GRIP1: variants seen among roughly 807,000 people sequenced by gnomAD.
GRIP1 encodes the protein glutamate receptor interacting protein 1, also known as glutamate receptor-interacting protein 1.
GRIP1 carries 45 observed loss-of-function variants against 129.9 expected under a neutral mutation model. The observed-to-expected ratio is 0.35, with a 90% CI of 0.27 to 0.44. The LOEUF is 0.44. Among genes scored for constraint, GRIP1 ranks in the 20% least tolerant of loss-of-function variants. The pLI is 1.00. For synonymous variants in GRIP1, 530 were observed against 520.8 expected, an observed-to-expected ratio of 1.02 and a Z score of -0.24; for missense variants, 1,196 against 1,396.8, an observed-to-expected ratio of 0.86 and a Z score of 2.29.
chr12:66,892,124 C>T (rs547672133), intron 1 of GRIP1, among the ~76,000 whole-genome samples: 1 of 152,234 alleles, frequency 6.6e-6, no homozygotes, highest in South Asian at 2.1e-4. Context: ...AGGGTGAGCA[C>T]AGGTGAAATA....
At chr12:66,479,543 A>G (rs1286008415) in intron 7 of GRIP1, among the ~76,000 whole-genome samples, 1 of 152,236 alleles carries the variant, frequency 6.6e-6, no homozygotes, top group Admixed American at 6.5e-5. Context: ...CAGTAGGAAA[A>G]GAGGGACTCC....
chr12:66,421,663 C>CTT (rs11380847), intron 14 of GRIP1, among the ~76,000 whole-genome samples: 3,264 of 142,512 alleles, frequency 0.023, 62 homozygotes, highest in Admixed American at 0.033. Context: ...TGGAATGTGA[C>CTT]TTTTTTTTTT....
At chr12:66,379,063 G>A (rs74631305) in intron 20 of GRIP1, among the ~76,000 whole-genome samples, 1,744 of 152,346 alleles carry the variant, frequency 0.011, 39 homozygotes, top group African/African-American at 0.04. Flanking sequence ...TACTGTTTTC[G>A]TTAGGGGAAA....
intron 15 of GRIP1, among the ~76,000 whole-genome samples, chr12:66,418,811 G>A (rs2057702052): frequency 6.6e-6 from 1 of 152,186 alleles, no homozygotes; most frequent in East Asian, 1.9e-4. Context: ...TGGAGAGAAT[G>A]TGGAGGAAAG....
chr12:66,640,902 G>A (rs1206502581), intron 1 of GRIP1, among the ~76,000 whole-genome samples: 2 of 152,064 alleles, frequency 1.3e-5, no homozygotes, highest in African/African-American at 4.8e-5. Flanking sequence ...TCCCACTGGG[G>A]GAAAATTCCT....
chr12:66,352,922 G>A (rs75947909), intron 24 of GRIP1, among the ~76,000 whole-genome samples: 3,743 of 152,120 alleles, frequency 0.025, 166 homozygotes, highest in African/African-American at 0.084. Flanking sequence ...CCAAGATCAC[G>A]CCACTCCACT....
chr12:66,589,034 G>C (rs1204394150), intron 2 of GRIP1, among the ~76,000 whole-genome samples: 1 of 151,480 alleles, frequency 6.6e-6, no homozygotes, highest in African/African-American at 2.4e-5. Context: ...ACTTCAGTTT[G>C]CTCATGTGTA....
At chr12:66,966,002 A>T (rs1277622907) in intron 1 of GRIP1, among the ~76,000 whole-genome samples, 1 of 152,160 alleles carries the variant, frequency 6.6e-6, no homozygotes, top group East Asian at 1.9e-4. Flanking sequence ...TTTACTTTCC[A>T]TTTGTGACTC....
chr12:66,566,547 T>C (rs970976366), intron 2 of GRIP1, among the ~76,000 whole-genome samples: 9 of 152,234 alleles, frequency 5.9e-5, no homozygotes, highest in Non-Finnish European at 1.3e-4. Context: ...GATTTTTGCA[T>C]TGATTTTCAT....
intron 1 of GRIP1, among the ~76,000 whole-genome samples, chr12:66,772,269 G>A (rs375274343): frequency 2.0e-5 from 3 of 152,234 alleles, no homozygotes; most frequent in Admixed American, 6.5e-5. Flanking sequence ...AATAGAGAGC[G>A]ATTAAGCAGA....
intron 1 of GRIP1, among the ~76,000 whole-genome samples, chr12:66,652,739 T>C (rs755851281): frequency 3.9e-5 from 6 of 152,220 alleles, no homozygotes; most frequent in Non-Finnish European, 8.8e-5. Flanking sequence ...CAGGTGCTTT[T>C]CCTGCTCTGT....
chr12:66,830,052 A>C (rs2039489347), intron 1 of GRIP1, among the ~76,000 whole-genome samples: 1 of 152,204 alleles, frequency 6.6e-6, no homozygotes, highest in African/African-American at 2.4e-5. Flanking sequence ...GGTTATTGCC[A>C]TAATGAAAAT....
chr12:66,649,922 G>A (rs1233523855), intron 1 of GRIP1, among the ~76,000 whole-genome samples: 2 of 152,194 alleles, frequency 1.3e-5, no homozygotes, highest in African/African-American at 2.4e-5. Context: ...AAAGTGGTGT[G>A]TTTTAGGGCT....
intron 1 of GRIP1, among the ~76,000 whole-genome samples, chr12:66,834,109 T>C (rs1256088547): frequency 1.5e-5 from 2 of 135,814 alleles, no homozygotes; most frequent in Non-Finnish European, 3.0e-5. Context: ...ACATGGGAGA[T>C]GGAAGTTGCA....
chr12:66,909,283 ATCC>A (rs1458202057), intron 1 of GRIP1, among the ~76,000 whole-genome samples: 4 of 152,146 alleles, frequency 2.6e-5, no homozygotes, highest in Non-Finnish European at 5.9e-5. Context: ...CAATCATCAT[ATCC>A]TTCCAATGTT....
intron 13 of GRIP1, among the ~76,000 whole-genome samples, chr12:66,436,804 G>A (rs2058319501): frequency 1.3e-5 from 2 of 151,950 alleles, no homozygotes; most frequent in Non-Finnish European, 2.9e-5. Context: ...CCAACATGGT[G>A]AAACCTTGTC....
At chr12:66,431,452 G>A (rs746706834) in intron 14 of GRIP1, among the ~76,000 whole-genome samples, 6 of 152,166 alleles carry the variant, frequency 3.9e-5, no homozygotes, top group Non-Finnish European at 7.4e-5. Context: ...CAGTAGATAT[G>A]TGTGGGTTAT....
At chr12:66,814,913 T>C (rs1359984654) in intron 1 of GRIP1, among the ~76,000 whole-genome samples, 1 of 151,864 alleles carries the variant, frequency 6.6e-6, no homozygotes, top group African/African-American at 2.4e-5. Context: ...AACCATCAGA[T>C]CTCATGTAAA....
rs569483387 is a variant in GRIP1 at position 66,620,547 on chromosome 12, G to A, written c.56-23620C>T. Reference sequence around the variant, plus strand: ...CAGGCTGATGTTAACAATAAGAGATGTTCAAAGAACAATAAACATGGCTAA... The same window carrying A: ...CAGGCTGATGTTAACAATAAGAGATATTCAAAGAACAATAAACATGGCTAA... On this transcript the variant is annotated intron_variant, in intron 1 of 24. Transcript: ENST00000359742. Among the ~76,000 whole-genome samples, 5 of 152,236 alleles carry A rather than the reference G, an allele frequency of 3.3e-5. No individual in the cohort carries two copies. The East Asian group carries it at 9.7e-4, about 29-fold the overall frequency.
Sources: gnomAD v4.1 joint callset for allele counts (sites outside exome capture counted in the v4.1 genomes callset) on GRCh38, gnomAD v4.1.1 for gene constraint, MANE v1.5 for transcripts, NCBI Gene and HGNC (gene_info 2026-07-23, HGNC 2026-07-21) for gene names.